Variants in SPTLC2 observed in about 807,000 individuals in gnomAD.
SPTLC2 encodes serine palmitoyltransferase long chain base subunit 2.
In SPTLC2, 21 loss-of-function variants were observed where a neutral mutation model predicts 62.0. The observed-to-expected ratio is 0.34, with a 90% CI of 0.24 to 0.49. The LOEUF (loss-of-function observed/expected upper bound fraction) is 0.49, where lower values mean the gene tolerates loss of function less well. SPTLC2 is among the 20% of genes least tolerant of loss of function. SPTLC2 has a pLI of 0.99. For missense variants in SPTLC2, 511 were observed against 713.0 expected, an observed-to-expected ratio of 0.72 and a Z score of 3.23; for synonymous variants, 261 against 261.8, an observed-to-expected ratio of 1.00 and a Z score of 0.03.
chr14:77,544,722 G>A (rs577819246), intron 9 of SPTLC2, among the ~76,000 whole-genome samples: 1 of 152,254 alleles, frequency 6.6e-6, no homozygotes, highest in African/African-American at 2.4e-5. Context: ...GCTCCTCTTG[G>A]AGTCCTTTCT....
intron 8 of SPTLC2, chr14:77,554,965 CA>C (rs1311806429): frequency 8.4e-6 from 3 of 357,070 alleles, no homozygotes; most frequent in African/African-American, 6.3e-5. Flanking sequence ...ATGACAACCC[CA>C]CTGTTTTTGA....
At chr14:77,557,686 C>T (rs932165494) in intron 6 of SPTLC2, among the ~76,000 whole-genome samples, 2 of 152,156 alleles carry the variant, frequency 1.3e-5, no homozygotes, top group African/African-American at 4.8e-5. Context: ...TATTTTGGTA[C>T]TGGGTTAAAA....
Position 77,507,053 on chromosome 14 carries a change from G to C in SPTLC2, c.*5231C>G, listed in dbSNP as rs1380456728. 6.6e-6 allele frequency: 1 copy of C among 152,156 alleles called. No homozygotes were observed. The highest frequency in any genetic ancestry group is 1.5e-5 in the Non-Finnish European group (1 of 68,066). 9.4% of individuals were successfully genotyped at this position (152,156 alleles called of 1,614,324 possible). The stretch of plus-strand genomic sequence containing the variant: ...CCCAGCTCCACCAAGCCACTCCCAA[G>C]GGTGGACTGTGAATGTGACACTTCC... On this transcript the variant is annotated 3_prime_UTR_variant, in exon 12 of 12. Transcript: ENST00000216484.
At chr14:77,561,887 G>A (rs988710705) in intron 6 of SPTLC2, among the ~76,000 whole-genome samples, 4 of 152,208 alleles carry the variant, frequency 2.6e-5, no homozygotes, top group African/African-American at 7.2e-5. Context: ...TGAAAGTTAC[G>A]CATTTTTATT....
At chr14:77,570,606 C>G in intron 4 of SPTLC2, 98 bp from the exon 5 acceptor site, 1 of 1,439,592 alleles carries the variant, frequency 6.9e-7, no homozygotes, top group Non-Finnish European at 9.6e-7. Flanking sequence ...GTGTTGTGTC[C>G]TTTTCAGACT....
chr14:77,588,257 A>G (rs1372017402), intron 2 of SPTLC2, among the ~76,000 whole-genome samples: 1 of 152,194 alleles, frequency 6.6e-6, no homozygotes, highest in Admixed American at 6.5e-5. Flanking sequence ...ATTTTCTACT[A>G]AAGAAGGAAA....
At chr14:77,585,957 A>T (rs1032396940) in intron 2 of SPTLC2, among the ~76,000 whole-genome samples, 2 of 152,206 alleles carry the variant, frequency 1.3e-5, no homozygotes, top group African/African-American at 4.8e-5. Flanking sequence ...GACTCAGAAA[A>T]ACCTTAATAC....
intron 11 of SPTLC2, among the ~76,000 whole-genome samples, chr14:77,516,847 G>A (rs1475444587): frequency 1.3e-5 from 2 of 152,178 alleles, no homozygotes; most frequent in Admixed American, 6.5e-5. Flanking sequence ...ATTTTGCTGT[G>A]TAGAAACAGA....
At position 77,556,841 on chromosome 14, in the gene SPTLC2, A is replaced by G. The variant is rs117126324; in HGVS notation, c.956+200T>C. On this transcript the variant is annotated intron_variant, in intron 7 of 11. Coordinates refer to ENST00000216484, the MANE Select transcript of SPTLC2 (RefSeq NM_004863.4). ...TAGAAAGGGGATTTGGTGACCATGTAGTATTATGGAAAGAATAACGAAGAA... is the reference window on the plus strand; with the variant it reads ...TAGAAAGGGGATTTGGTGACCATGTGGTATTATGGAAAGAATAACGAAGAA... 1.1e-3 allele frequency among the ~76,000 whole-genome samples: 167 copies of G among 152,370 alleles called. 5 individuals are homozygous for G. In the East Asian group the frequency reaches 0.03, roughly 27 times the overall value.
At chr14:77,594,209 G>A (rs891203237) in intron 2 of SPTLC2, among the ~76,000 whole-genome samples, 1 of 152,036 alleles carries the variant, frequency 6.6e-6, no homozygotes, top group Non-Finnish European at 1.5e-5. Context: ...GTTTTGCAAA[G>A]GCCCATAACT....
rs915962762 is a variant in SPTLC2 at position 77,515,752 on chromosome 14, T to C, written c.1569+2286A>G. Among the ~76,000 whole-genome samples, 5 of 152,212 alleles carry C rather than the reference T, an allele frequency of 3.3e-5. No homozygotes were observed. The East Asian group carries it at 9.6e-4, about 29-fold the overall frequency. ...TTTCAGTAGAGATGAGGTTTCACTG[T>C]GTTGGCAAGGCTGATCTCAAACGCC... On this transcript the variant is annotated intron_variant, in intron 11 of 11. Coordinates refer to ENST00000216484, the MANE Select transcript of SPTLC2 (RefSeq NM_004863.4).
chr14:77,536,053 C>A (rs1187202464), intron 9 of SPTLC2: 1 of 421,676 alleles, frequency 2.4e-6, no homozygotes. Context: ...GGGAAACCAG[C>A]AAAAAGGCTA....
rs1338384872 is a variant in SPTLC2 at position 77,557,573 on chromosome 14, ACTC to A, written c.851-430_851-428del. ...TGTGAATAAACCATCACAGACACATACTCCTCCTAAAAAAACAAACGCAAGGCG... is the reference window on the plus strand; with the variant it reads ...TGTGAATAAACCATCACAGACACATACTCCTAAAAAAACAAACGCAAGGCG... On this transcript the variant is annotated intron_variant, in intron 6 of 11. Transcript: ENST00000216484. 2.6e-5 allele frequency among the ~76,000 whole-genome samples: 4 copies of A among 151,972 alleles called. No homozygotes were observed. The East Asian group carries it at 5.8e-4, about 22-fold the overall frequency.
chr14:77,565,905 A>T (rs946753361), intron 5 of SPTLC2, among the ~76,000 whole-genome samples: 1 of 152,244 alleles, frequency 6.6e-6, no homozygotes, highest in African/African-American at 2.4e-5. Flanking sequence ...ACTCTTTTGT[A>T]ACTCTTTTTG....
At chr14:77,549,302 C>T (rs951393557) in intron 9 of SPTLC2, among the ~76,000 whole-genome samples, 8 of 151,850 alleles carry the variant, frequency 5.3e-5, no homozygotes, top group African/African-American at 1.9e-4. Context: ...CCCACCCCTT[C>T]AATCCGGGAT....
At chr14:77,572,004 T>C (rs1180275847) in intron 4 of SPTLC2, among the ~76,000 whole-genome samples, 2 of 152,042 alleles carry the variant, frequency 1.3e-5, no homozygotes, top group Non-Finnish European at 2.9e-5. Flanking sequence ...GCCAGGCTGG[T>C]CTCAAACTCC....
At chr14:77,550,355 AC>A (rs2079549438) in intron 9 of SPTLC2, among the ~76,000 whole-genome samples, 1 of 152,154 alleles carries the variant, frequency 6.6e-6, no homozygotes, top group Non-Finnish European at 1.5e-5. Flanking sequence ...CAGGCAGGTC[AC>A]CTGAGGTCGG....
chr14:77,559,810 G>C (rs946270482), intron 6 of SPTLC2, among the ~76,000 whole-genome samples: 2 of 152,056 alleles, frequency 1.3e-5, no homozygotes, highest in African/African-American at 4.8e-5. Context: ...AGAATCATTT[G>C]AACCTAGGAG....
chr14:77,550,144 T>C (rs1387816618), intron 9 of SPTLC2, among the ~76,000 whole-genome samples: 3 of 152,208 alleles, frequency 2.0e-5, no homozygotes, highest in Non-Finnish European at 4.4e-5. Flanking sequence ...GTTTGCAACA[T>C]TAATAAAACA....
Sources: allele counts gnomAD v4.1 joint callset (sites outside exome capture counted in the v4.1 genomes callset), GRCh38; gene constraint gnomAD v4.1.1; transcripts MANE v1.5; gene names NCBI Gene and HGNC (gene_info 2026-07-23, HGNC 2026-07-21).